The following SEC24A variants were observed in gnomAD, a reference collection of about 807,000 sequenced individuals.
SEC24A encodes protein transport protein Sec24A.
In SEC24A, 93 loss-of-function variants were observed where a neutral mutation model predicts 129.4. That is an observed-to-expected ratio of 0.72 (90% CI 0.61 to 0.85). SEC24A has a LOEUF of 0.85. Among genes scored for constraint, SEC24A ranks in the 40% least tolerant of loss-of-function variants. The pLI, the probability that SEC24A is intolerant of heterozygous loss-of-function variation, is 0.00. For synonymous variants in SEC24A, 460 were observed against 467.3 expected (o/e 0.98, Z 0.20); for missense variants, 1,264 against 1,307.4 (o/e 0.97, Z 0.51).
chr5:134,718,569 G>A (rs2150113235), intron 20 of SEC24A, among the ~76,000 whole-genome samples: 2 of 152,304 alleles, frequency 1.3e-5, no homozygotes, highest in Middle Eastern at 6.8e-3. Flanking sequence ...ACAAGATGTG[G>A]AGGTGGAAGA....
chr5:134,717,325 G>T (rs1752505011), intron 19 of SEC24A, among the ~76,000 whole-genome samples: 1 of 151,760 alleles, frequency 6.6e-6, no homozygotes, highest in Non-Finnish European at 1.5e-5. Flanking sequence ...GGCCAACATG[G>T]TGAAACCCCT....
intron 14 of SEC24A, among the ~76,000 whole-genome samples, 200 bp from the exon 15 acceptor site, chr5:134,697,699 T>G (rs1213862563): frequency 6.6e-6 from 1 of 152,134 alleles, no homozygotes; most frequent in Non-Finnish European, 1.5e-5. Context: ...AAGGCTGCAG[T>G]GAGCCCCATG....
In SEC24A at chr5:134,723,620, C is replaced by A; in HGVS notation, c.3117C>A (p.Ile1039=). ...TPESARIIAF[I]SWLREQRPFF... ...AATCTGCCAGAATAATAGCTTTCAT[C>A]TCTTGGCTTAGAGAGCAGAGACCAT... The change falls in exon 22 of 23, where the codon ATC becomes ATA. Residue 1039 remains isoleucine (I), a synonymous_variant. Transcript: ENST00000398844. 6.2e-7 allele frequency: 1 copy of A among 1,613,458 alleles called. No homozygotes were observed. Among genetic ancestry groups the A allele is most frequent in the Non-Finnish European group, 8.5e-7 (1 of 1,179,496 alleles).
At chr5:134,697,013 C>T (rs1207695572) in intron 13 of SEC24A, 113 bp from the exon 14 acceptor site, 1 of 582,032 alleles carries the variant, frequency 1.7e-6, no homozygotes, top group Non-Finnish European at 2.9e-6. Flanking sequence ...TTGTAGAATG[C>T]CCAGAAATAA....
intron 15 of SEC24A, among the ~76,000 whole-genome samples, chr5:134,698,691 A>G (rs113161560): frequency 0.055 from 7,134 of 129,752 alleles, 302 homozygotes; most frequent in Middle Eastern, 0.15. Flanking sequence ...GTGTGCAGTG[A>G]CACAATCTTG....
chr5:134,692,007 A>G (rs1387778226), intron 11 of SEC24A, among the ~76,000 whole-genome samples: 3 of 149,630 alleles, frequency 2.0e-5, no homozygotes, highest in Non-Finnish European at 4.4e-5. Context: ...GAAGCATAGC[A>G]CTTACACAAA....
Position 134,694,787 on chromosome 5 carries a change from C to T in SEC24A, c.1986+854C>T, listed in dbSNP as rs1751767897. ...TGAGCCAAGATCGCACCATTGCACT[C>T]CAGCCTGTGCAACAAGAGCAAAACT... On this transcript the variant is annotated intron_variant, in intron 13 of 22. Coordinates refer to ENST00000398844, the MANE Select transcript of SEC24A (RefSeq NM_021982.3). Among the ~76,000 whole-genome samples the T allele has an allele frequency of 2.0e-5, 3 of 150,758 alleles. No homozygotes were observed. In the South Asian group the frequency reaches 6.3e-4, roughly 32 times the overall value.
intron 8 of SEC24A, among the ~76,000 whole-genome samples, chr5:134,680,098 C>A (rs1172495195): frequency 1.3e-5 from 2 of 151,988 alleles, no homozygotes; most frequent in Non-Finnish European, 2.9e-5. Flanking sequence ...GAATAGCTGC[C>A]CAATTCATTC....
rs185370798 is a variant in SEC24A at position 134,726,953 on chromosome 5, A to T, written c.*1859A>T. ...CATGCTTTTTTAGTATATTTCACAA[A>T]TTTACTTTTAAATATTATTTTAGAT... On this transcript the variant is annotated 3_prime_UTR_variant, in exon 23 of 23. Transcript: ENST00000398844. The T allele has an allele frequency of 7.9e-5, 12 of 152,366 alleles. No homozygotes were observed. Among genetic ancestry groups the T allele is most frequent in the Admixed American group, 2.6e-4 (4 of 15,264 alleles). 9.4% of individuals were successfully genotyped at this position (152,366 alleles called of 1,614,324 possible). A position where few individuals can be genotyped will look rare whatever the true frequency, so the allele number is the denominator to read the frequency against.
chr5:134,674,856 A>G (rs994795365), intron 5 of SEC24A, 81 bp downstream of exon 5: 8 of 1,267,438 alleles, frequency 6.3e-6, no homozygotes, highest in Non-Finnish European at 7.6e-6. Context: ...TTAGGAAGGT[A>G]TATTATACAT....
At chr5:134,681,316 C>T (rs1264232228) in intron 8 of SEC24A, among the ~76,000 whole-genome samples, 1 of 152,006 alleles carries the variant, frequency 6.6e-6, no homozygotes, top group Non-Finnish European at 1.5e-5. Flanking sequence ...AGGAGAATCG[C>T]TTGAACCCGG....
chr5:134,700,487 G>A (rs1422950806), intron 15 of SEC24A, among the ~76,000 whole-genome samples: 1 of 151,674 alleles, frequency 6.6e-6, no homozygotes, highest in African/African-American at 2.4e-5. Context: ...CCAAAGTGCT[G>A]GGATTACAGG....
At chr5:134,694,397 C>T (rs1224156131) in intron 13 of SEC24A, among the ~76,000 whole-genome samples, 3 of 152,182 alleles carry the variant, frequency 2.0e-5, no homozygotes, top group African/African-American at 7.2e-5. Flanking sequence ...CGGTGGCTCA[C>T]GCTTGTAATC....
chr5:134,656,081 A>AT (rs1243516836), intron 1 of SEC24A, among the ~76,000 whole-genome samples: 1 of 112,106 alleles, frequency 8.9e-6, no homozygotes, highest in Non-Finnish European at 1.9e-5. Context: ...GCAGCTAAAT[A>AT]TCTTTTTTTT....
Position 134,701,868 on chromosome 5 carries a change from CTT to C in SEC24A, c.2267-1887_2267-1886del, listed in dbSNP as rs549758398. On this transcript the variant is annotated intron_variant, in intron 15 of 22. Coordinates refer to ENST00000398844, the MANE Select transcript of SEC24A (RefSeq NM_021982.3). Reference sequence around the variant, plus strand: ...TTGTGGTTAGCTTGCTTAGGTTTCTCTTTTTATTTTATTATGATAAATTCACT... The same window carrying C: ...TTGTGGTTAGCTTGCTTAGGTTTCTCTTTATTTTATTATGATAAATTCACT... Among the ~76,000 whole-genome samples, 33 of 152,216 alleles carry C rather than the reference CTT, an allele frequency of 2.2e-4. No individual in the cohort carries two copies. In the East Asian group the frequency reaches 6.2e-3, roughly 28 times the overall value.
chr5:134,721,118 A>C, intron 21 of SEC24A, 28 bp downstream of exon 21: 1 of 1,375,884 alleles, frequency 7.3e-7, no homozygotes, highest in Non-Finnish European at 1.0e-6. Context: ...TAGTGATTAT[A>C]AAGGGCATTT....
Position 134,698,922 on chromosome 5 carries a change from C to T in SEC24A, c.2266+865C>T, listed in dbSNP as rs950429426. On this transcript the variant is annotated intron_variant, in intron 15 of 22. Coordinates refer to ENST00000398844, the MANE Select transcript of SEC24A (RefSeq NM_021982.3). ...CACTGGGATTACAGGTGTGAGTGAC[C>T]GCACACAGCCTAGACCCTTTTTTGA... 2.6e-5 allele frequency among the ~76,000 whole-genome samples: 4 copies of T among 151,680 alleles called. 1 individual carries two copies. The highest frequency in any genetic ancestry group is 7.3e-5 in the African/African-American group (3 of 41,274).
At chr5:134,649,362 T>G (rs1749970821) in intron 1 of SEC24A, 189 bp downstream of exon 1, 2 of 455,788 alleles carry the variant, frequency 4.4e-6, no homozygotes, top group East Asian at 3.6e-5. Flanking sequence ...GTCTCAGTCT[T>G]TCACATTTAT....
intron 8 of SEC24A, among the ~76,000 whole-genome samples, chr5:134,680,928 AT>A (rs1453233705): frequency 6.6e-6 from 1 of 152,036 alleles, no homozygotes; most frequent in Non-Finnish European, 1.5e-5. Flanking sequence ...GTGAAACCCC[AT>A]CTTTACTAAA....
Sources: allele counts gnomAD v4.1 joint callset (sites outside exome capture counted in the v4.1 genomes callset), GRCh38; gene constraint gnomAD v4.1.1; transcripts MANE v1.5; gene names NCBI Gene and HGNC (gene_info 2026-07-23, HGNC 2026-07-21).